The following PCDH15 variants were observed in gnomAD, a reference collection of about 807,000 sequenced individuals.
PCDH15 encodes protocadherin related 15, also known as protocadherin-15.
PCDH15 carries 129 observed loss-of-function variants against 178.5 expected under a neutral mutation model. The observed-to-expected ratio is 0.72, with a 90% CI of 0.63 to 0.84. The LOEUF (loss-of-function observed/expected upper bound fraction) is 0.84. Ranked by LOEUF, PCDH15 falls within the 40% of genes least tolerant of loss-of-function variation. The pLI is 0.00. For missense variants in PCDH15, 2,230 were observed against 2,099.9 expected, an observed-to-expected ratio of 1.06 and a Z score of -1.21; for synonymous variants, 800 against 732.0, an observed-to-expected ratio of 1.09 and a Z score of -1.50.
chr10:53,933,858 T>C (rs1449043821), intron 25 of PCDH15, among the ~76,000 whole-genome samples: 1 of 152,170 alleles, frequency 6.6e-6, no homozygotes, highest in Non-Finnish European at 1.5e-5. Context: ...TTTTTAATGA[T>C]TGCCATTCTA....
At chr10:54,811,155 A>AT (rs1197037224) in intron 3 of PCDH15, among the ~76,000 whole-genome samples, 1 of 152,012 alleles carries the variant, frequency 6.6e-6, no homozygotes, top group African/African-American at 2.4e-5. Flanking sequence ...ATATGTAAAT[A>AT]TATATATGAC....
chr10:54,234,551 T>A, intron 9 of PCDH15, among the ~76,000 whole-genome samples: 1 of 152,008 alleles, frequency 6.6e-6, no homozygotes, highest in African/African-American at 2.4e-5. Context: ...AGACACTGTC[T>A]CAAAAGAAGA....
rs982756976 is a variant in PCDH15, at chr10:54,195,728, C to T, written c.1260G>A (p.Leu420=). Residue 420 remains leucine (L), a synonymous_variant, in exon 11 of 38, where the codon TTG becomes TTA. Coordinates refer to ENST00000644397, the MANE Select transcript of PCDH15 (RefSeq NM_001384140.1). ...GAGCTACTATTCTTAAAGGTGAAGT[C>T]AAATTGAGACTGTCCGAAATGGTTG... ...VGATISDSLN[L]TSPLRIVALD... 1 of 1,614,010 alleles carries T rather than the reference C, an allele frequency of 6.2e-7. No individual in the cohort carries two copies. The highest frequency in any genetic ancestry group is 1.7e-5 in the Admixed American group (1 of 60,010).
chr10:55,449,709 C>A (rs1011026945), intron 2 of PCDH15, among the ~76,000 whole-genome samples: 1 of 152,084 alleles, frequency 6.6e-6, no homozygotes, highest in South Asian at 2.1e-4. Flanking sequence ...ACTATCACTA[C>A]AAATTTTAAT....
Position 54,338,542 on chromosome 10 carries a change from T to C in PCDH15, c.594+7823A>G, listed in dbSNP as rs1330227162. On this transcript the variant is annotated intron_variant, in intron 6 of 37. Transcript: ENST00000644397. ...GCTTACACATTACAAATGAAAATTA[T>C]GGCTTACATTTTCTGAATTATCTCA... is the stretch of plus-strand genomic sequence containing the variant. Among the ~76,000 whole-genome samples, 3 of 150,618 alleles carry C rather than the reference T, an allele frequency of 2.0e-5. No homozygotes were observed. In the East Asian group the frequency reaches 5.8e-4, roughly 29 times the overall value.
chr10:54,977,624 C>A (rs961805745), intron 2 of PCDH15, among the ~76,000 whole-genome samples: 3 of 152,048 alleles, frequency 2.0e-5, no homozygotes, highest in Non-Finnish European at 4.4e-5. Flanking sequence ...AGTAAAAATG[C>A]CCAATAAGCA....
intron 26 of PCDH15, among the ~76,000 whole-genome samples, chr10:53,868,889 G>T (rs913072444): frequency 1.1e-4 from 17 of 151,620 alleles, no homozygotes; most frequent in Non-Finnish European, 5.9e-5. Context: ...GCATAAACTC[G>T]GCTCACTGAA....
intron 1 of PCDH15, among the ~76,000 whole-genome samples, chr10:55,205,445 A>T (rs1043326456): frequency 1.3e-5 from 2 of 151,972 alleles, no homozygotes; most frequent in Non-Finnish European, 2.9e-5. Context: ...CTAATAGGAG[A>T]TCTAATATAT....
At chr10:55,155,488 C>CACAA (rs1838858233) in intron 2 of PCDH15, among the ~76,000 whole-genome samples, 1 of 116,046 alleles carries the variant, frequency 8.6e-6, no homozygotes, top group African/African-American at 3.4e-5. Flanking sequence ...GCAACCAATG[C>CACAA]AAAAAAAAAA....
chr10:55,164,181 T>C (rs1260486861), intron 2 of PCDH15, among the ~76,000 whole-genome samples: 1 of 151,972 alleles, frequency 6.6e-6, no homozygotes, highest in Non-Finnish European at 1.5e-5. Flanking sequence ...AGCCTTTACA[T>C]GAGAAAAAAT....
chr10:55,440,049 T>G (rs1839142536), intron 2 of PCDH15, among the ~76,000 whole-genome samples: 1 of 152,166 alleles, frequency 6.6e-6, no homozygotes, highest in South Asian at 2.1e-4. Flanking sequence ...GTTATTGGCA[T>G]ATAGACGAAA....
At chr10:54,171,821 A>G (rs2046938923) in intron 13 of PCDH15, among the ~76,000 whole-genome samples, 1 of 151,684 alleles carries the variant, frequency 6.6e-6, no homozygotes, top group Admixed American at 6.6e-5. Context: ...ATCACCAATC[A>G]TTCTATATGA....
At chr10:54,496,740 T>C (rs2080152558) in intron 3 of PCDH15, among the ~76,000 whole-genome samples, 1 of 152,172 alleles carries the variant, frequency 6.6e-6, no homozygotes, top group South Asian at 2.1e-4. Flanking sequence ...AGCCTCTCAA[T>C]ACTTCCCTTA....
intron 3 of PCDH15, among the ~76,000 whole-genome samples, chr10:54,496,640 A>G (rs1463156468): frequency 6.6e-6 from 1 of 152,158 alleles, no homozygotes; most frequent in Non-Finnish European, 1.5e-5. Flanking sequence ...AGGATGCCCA[A>G]ATAGTTTTCA....
At chr10:53,832,902 A>G (rs887533344) in intron 29 of PCDH15, among the ~76,000 whole-genome samples, 1 of 152,024 alleles carries the variant, frequency 6.6e-6, no homozygotes, top group Non-Finnish European at 1.5e-5. Context: ...AAACTAATTC[A>G]TATCACACAT....
intron 2 of PCDH15, among the ~76,000 whole-genome samples, chr10:55,621,946 G>T (rs1837400583): frequency 6.8e-6 from 1 of 146,704 alleles, no homozygotes; most frequent in South Asian, 2.1e-4. Context: ...CCTTTTTAAA[G>T]ATCATTCATA....
intron 3 of PCDH15, among the ~76,000 whole-genome samples, chr10:54,520,379 C>T (rs1050093832): frequency 2.2e-4 from 33 of 152,080 alleles, no homozygotes; most frequent in Non-Finnish European, 4.6e-4. Context: ...AAAAAACAAA[C>T]AACCCCATCA....
At chr10:55,393,929 CAT>C (rs1322302365) in intron 2 of PCDH15, among the ~76,000 whole-genome samples, 1 of 152,094 alleles carries the variant, frequency 6.6e-6, no homozygotes, top group Admixed American at 6.6e-5. Context: ...ATACATGTTA[CAT>C]ATATGTTTTC....
At chr10:54,703,895 A>G (rs1591161840) in intron 1 of PCDH15, among the ~76,000 whole-genome samples, 1 of 152,118 alleles carries the variant, frequency 6.6e-6, no homozygotes, top group Non-Finnish European at 1.5e-5. Context: ...TGGTATTGGT[A>G]AAAAAGCAGA....
Sources: gnomAD v4.1 joint callset for allele counts (sites outside exome capture counted in the v4.1 genomes callset) on GRCh38, gnomAD v4.1.1 for gene constraint, MANE v1.5 for transcripts, NCBI Gene and HGNC (gene_info 2026-07-23, HGNC 2026-07-21) for gene names.